Variants in TG observed in about 807,000 individuals in gnomAD.
The protein encoded by TG is thyroglobulin, also known as thyroid hormones.
TG carries 270 observed loss-of-function variants against 324.7 expected under a neutral mutation model. The observed-to-expected ratio is 0.83, with a 90% CI of 0.75 to 0.92. TG has a LOEUF of 0.92. Ranked by LOEUF, TG falls within the 40% of genes least tolerant of loss-of-function variation. The probability of loss-of-function intolerance (pLI) is 0.00; values close to 1 mark genes in which losing one functional copy is unlikely to be tolerated. For missense variants in TG, 3,591 were observed against 3,456.4 expected (o/e 1.04, Z -0.98); for synonymous variants, 1,401 against 1,327.0 (o/e 1.06, Z -1.21).
chr8:132,925,754 A>AT (rs1346436859), intron 22 of TG, among the ~76,000 whole-genome samples: 1 of 152,026 alleles, frequency 6.6e-6, no homozygotes, highest in Admixed American at 6.5e-5. Context: ...TCCTGGGATT[A>AT]TTGTCTTACG....
chr8:132,954,118 A>G (rs1368832077), intron 27 of TG, among the ~76,000 whole-genome samples: 1 of 151,938 alleles, frequency 6.6e-6, no homozygotes, highest in Non-Finnish European at 1.5e-5. Context: ...GGTCTGTTTT[A>G]TGTCAGTGAT....
intron 21 of TG, among the ~76,000 whole-genome samples, chr8:132,922,539 A>G (rs944392393): frequency 3.3e-5 from 5 of 152,160 alleles, no homozygotes; most frequent in Non-Finnish European, 5.9e-5. Context: ...TCCCTGGGAT[A>G]GTGTGTAACA....
chr8:133,008,740 G>GTA (rs1323701056), intron 35 of TG, among the ~76,000 whole-genome samples: 1 of 152,256 alleles, frequency 6.6e-6, no homozygotes. Flanking sequence ...GCAAAAGGGT[G>GTA]TATTACTGGA....
At chr8:133,100,545 C>T (rs1360565938) in intron 43 of TG, among the ~76,000 whole-genome samples, 1 of 152,188 alleles carries the variant, frequency 6.6e-6, no homozygotes, top group Non-Finnish European at 1.5e-5. Flanking sequence ...TGGAAGTCTT[C>T]AATGAAATAA....
intron 40 of TG, 98 bp downstream of exon 40, chr8:133,022,248 C>A: frequency 6.5e-7 from 1 of 1,535,304 alleles, no homozygotes; most frequent in Non-Finnish European, 9.0e-7. Flanking sequence ...GCTCCTCCTC[C>A]AGCCAAGCTA....
At chr8:133,102,755 G>T in intron 43 of TG, 1 of 593,012 alleles carries the variant, frequency 1.7e-6, no homozygotes, top group Non-Finnish European at 3.1e-6. Context: ...AAGCAGATTT[G>T]TTCCAAGATG....
chr8:132,884,977 C>T (rs1028762749), intron 8 of TG, among the ~76,000 whole-genome samples: 4 of 152,246 alleles, frequency 2.6e-5, no homozygotes, highest in Non-Finnish European at 4.4e-5. Context: ...GCCATGGCCT[C>T]GTTGAGGGAT....
At chr8:133,112,788 C>A (rs1163046834) in intron 43 of TG, among the ~76,000 whole-genome samples, 2 of 152,120 alleles carry the variant, frequency 1.3e-5, no homozygotes, top group South Asian at 2.1e-4. Context: ...CTTTGTAGCA[C>A]CTGTTCCCTG....
chr8:132,898,189 G>T lies in TG; in HGVS notation c.3160G>T (p.Glu1054Ter), dbSNP rs1279526735. The T allele has an allele frequency of 6.2e-7, 1 of 1,604,550 alleles. No individual in the cohort carries two copies. The highest frequency in any genetic ancestry group is 1.7e-5 in the Admixed American group (1 of 59,156). ...AGTGHCWCVD[E>*]KGGFIPGSLT... ...TCCAGGGCACTGCTGGTGTGTAGAT[G>T]AGAAAGGAGGGTTCATCCCTGGCTC... Residue 1054 changes from glutamate (E) to a stop codon, truncating the protein, a stop_gained, in exon 13 of 48, where the codon GAG (glutamate) becomes TAG (stop). Coordinates refer to ENST00000220616, the MANE Select transcript of TG (RefSeq NM_003235.5). LOFTEE classifies it high-confidence loss of function.
At chr8:133,043,175 G>A (rs765228716) in intron 41 of TG, among the ~76,000 whole-genome samples, 3 of 152,106 alleles carry the variant, frequency 2.0e-5, no homozygotes, top group Non-Finnish European at 2.9e-5. Context: ...GCGGGAAGGC[G>A]CCAGTGCTGC....
intron 24 of TG, among the ~76,000 whole-genome samples, chr8:132,935,245 A>T (rs1823403597): frequency 6.6e-6 from 1 of 150,516 alleles, no homozygotes; most frequent in Non-Finnish European, 1.5e-5. Context: ...GGTTCAGGTG[A>T]TTCTCTCGCC....
Position 132,911,538 on chromosome 8 carries a change from G to T in TG, c.4159+5G>T, listed in dbSNP as rs1819525157. 1 of 1,610,912 alleles carries T rather than the reference G, an allele frequency of 6.2e-7. No individual in the cohort carries two copies. On this transcript the variant is annotated splice_donor_5th_base_variant and intron_variant, in intron 19 of 47. Transcript: ENST00000220616. ...TTCCTGACTTACATGACATTGGTATGTTTTTCTGTGGTAGTACCTAGAATA... is the reference window on the plus strand; with the variant it reads ...TTCCTGACTTACATGACATTGGTATTTTTTTCTGTGGTAGTACCTAGAATA...
chr8:133,038,751 G>T, intron 41 of TG: 1 of 1,595,584 alleles, frequency 6.3e-7, no homozygotes, highest in Non-Finnish European at 8.6e-7. Flanking sequence ...TGGGCCAGAA[G>T]AAAAGGCAGT....
chr8:133,103,261 C>G (rs918481746), intron 43 of TG, among the ~76,000 whole-genome samples: 2 of 152,326 alleles, frequency 1.3e-5, no homozygotes, highest in African/African-American at 4.8e-5. Flanking sequence ...GAGAGCCACC[C>G]TGTCTGTCTC....
chr8:133,067,852 GAGAAAGAA>G (rs57930573), intron 41 of TG, among the ~76,000 whole-genome samples: 130 of 131,628 alleles, frequency 9.9e-4, no homozygotes, highest in African/African-American at 3.3e-3. Context: ...CAGAGAGAGA[GAGAAAGAA>G]AGAAAGAAAG....
intron 8 of TG, among the ~76,000 whole-genome samples, chr8:132,885,563 G>C (rs1815289847): frequency 6.6e-6 from 1 of 152,088 alleles, no homozygotes; most frequent in Admixed American, 6.5e-5. Flanking sequence ...TACTCCCAAG[G>C]AGGAATTAGC....
chr8:133,028,452 C>G (rs1836307360), intron 40 of TG, among the ~76,000 whole-genome samples: 1 of 152,190 alleles, frequency 6.6e-6, no homozygotes, highest in African/African-American at 2.4e-5. Context: ...AGTGCTCAGG[C>G]AGGCTGCAGA....
At chr8:133,016,120 CTG>C (rs1296720591) in intron 37 of TG, among the ~76,000 whole-genome samples, 2 of 152,128 alleles carry the variant, frequency 1.3e-5, no homozygotes, top group Non-Finnish European at 2.9e-5. Context: ...GGCAGAAAGA[CTG>C]TAAAGTTTTT....
At chr8:132,930,748 G>C (rs1234620435) in intron 23 of TG, among the ~76,000 whole-genome samples, 6 of 152,030 alleles carry the variant, frequency 3.9e-5, no homozygotes, top group Admixed American at 1.3e-4. Context: ...CAGAATCTTA[G>C]GGAGTGAGGC....
Sources: allele counts gnomAD v4.1 joint callset (sites outside exome capture counted in the v4.1 genomes callset), GRCh38; gene constraint gnomAD v4.1.1; transcripts MANE v1.5; gene names NCBI Gene and HGNC (gene_info 2026-07-23, HGNC 2026-07-21).